Variants in HHIPL1 observed in about 807,000 individuals in gnomAD.
HHIPL1 encodes the protein HHIP like 1, also known as HHIP-like protein 1.
In HHIPL1, 43 loss-of-function variants were observed where a neutral mutation model predicts 61.8. The ratio of observed to expected loss-of-function variants is 0.70; its 90% CI spans 0.55 to 0.90. The LOEUF (loss-of-function observed/expected upper bound fraction) is 0.90. HHIPL1 is among the 40% of genes least tolerant of loss of function. The pLI, the probability that HHIPL1 is intolerant of heterozygous loss-of-function variation, is 0.00. For synonymous variants in HHIPL1, 482 were observed against 515.8 expected, an observed-to-expected ratio of 0.93 and a Z score of 0.89; for missense variants, 1,056 against 1,157.7, an observed-to-expected ratio of 0.91 and a Z score of 1.28.
rs1384342746 is a variant in HHIPL1, at chr14:99,675,189, A to T, written c.1912A>T (p.Thr638Ser). Reference protein sequence around the residue: ...GRPTAAPPAPTPRPARPTQQP... With the variant: ...GRPTAAPPAPSPRPARPTQQP... ...CCCCACGGCCGCTCCCCCCGCGCCA[A>T]CCCCGCGGCCAGCGCGGCCCACCCA... is the stretch of plus-strand genomic sequence containing the variant. The change falls in exon 9 of 9, where the codon ACC becomes TCC. Residue 638 changes from threonine to serine, a missense_variant. Coordinates refer to ENST00000330710, the MANE Select transcript of HHIPL1 (RefSeq NM_001127258.3). The surrounding 1 kb of genome is among the most constrained non-coding windows in gnomAD (Gnocchi z 5.4). The T allele has an allele frequency of 8.8e-7, 1 of 1,140,672 alleles. No individual in the cohort carries two copies. The allele number at this position is 1,140,672 out of a possible 1,614,324, so 70.7% of individuals were successfully genotyped here.
the HHIPL1 span, among the ~76,000 whole-genome samples, chr14:99,636,343 G>A: frequency 5.3e-5 from 8 of 152,280 alleles, no homozygotes; most frequent in South Asian, 2.1e-4. Flanking sequence ...CCTGGTCCAC[G>A]GGGTCCCACT....
chr14:99,612,123 C>T, the HHIPL1 span, among the ~76,000 whole-genome samples: 376 of 152,278 alleles, frequency 2.5e-3, 1 homozygote, highest in Non-Finnish European at 4.2e-3. Context: ...ACTCACAGTT[C>T]CGCGTGGCCA....
At position 99,659,533 on chromosome 14, in the gene HHIPL1, G is replaced by C; in HGVS notation, c.1152G>C (p.Ala384=). Residue 384 remains alanine (A), a synonymous_variant, in exon 4 of 9, where the codon GCG becomes GCC. Transcript: ENST00000330710. ...PDNPFVGDPA[A]QPEVYALGVR... ...ACCCGTTCGTGGGCGACCCCGCGGC[G>C]CAGCCCGAGGTCTACGCCCTGGGCG... 1 of 1,543,196 alleles carries C rather than the reference G, an allele frequency of 6.5e-7. No individual in the cohort carries two copies. The highest frequency in any genetic ancestry group is 8.7e-7 in the Non-Finnish European group (1 of 1,148,572).
upstream of HHIPL1, among the ~76,000 whole-genome samples, chr14:99,642,471 T>C (rs945435057): frequency 1.3e-5 from 2 of 152,198 alleles, no homozygotes; most frequent in South Asian, 4.1e-4. Context: ...AGTCTACTTG[T>C]CAGCTCGGCA....
chr14:99,630,936 T>C, the HHIPL1 span, among the ~76,000 whole-genome samples: 6 of 152,308 alleles, frequency 3.9e-5, no homozygotes, highest in African/African-American at 1.4e-4. Flanking sequence ...GCCTTCTCCC[T>C]GCACGCATGT....
chr14:99,656,933 G>C, intron 2 of HHIPL1, 67 bp from the exon 3 acceptor site: 3 of 1,384,206 alleles, frequency 2.2e-6, no homozygotes, highest in Non-Finnish European at 2.9e-6. Flanking sequence ...AGGAGACCGT[G>C]ATCTTGTTTT....
Position 99,659,497 on chromosome 14 carries a change from C to T in HHIPL1, c.1116C>T (p.Ile372=). 2 of 1,540,180 alleles carry T rather than the reference C, an allele frequency of 1.3e-6. No homozygotes were observed. Among genetic ancestry groups the T allele is most frequent in the Middle Eastern group, 3.4e-4 (2 of 5,936 alleles). ...AGGAGCGCGGCCTGCCCTACGGCAT[C>T]CCGCCCGACAACCCGTTCGTGGGCG... The part of the protein sequence containing the change: ...DRKERGLPYG[I]PPDNPFVGDP... The change falls in exon 4 of 9, where the codon ATC becomes ATT. Residue 372 remains isoleucine (I), a synonymous_variant. Transcript: ENST00000330710.
the HHIPL1 span, among the ~76,000 whole-genome samples, chr14:99,616,313 G>A: frequency 6.6e-6 from 1 of 152,214 alleles, no homozygotes; most frequent in African/African-American, 2.4e-5. Flanking sequence ...AATGATGACA[G>A]CAACTAATGA....
rs61984400 is a variant in HHIPL1, at chr14:99,656,879, G to A, written c.903-121G>A. On this transcript the variant is annotated intron_variant, in intron 2 of 8. Transcript: ENST00000330710. ...AGGAAGGAAGGAAGGAAGGAAGGAA[G>A]GAAGGAAGGAAGGAAGGTCTTTTCC... 41 of 148,282 alleles carry A rather than the reference G, an allele frequency of 2.8e-4. 11 individuals are homozygous for A. Among genetic ancestry groups the A allele is most frequent in the Admixed American group, 9.6e-4 (6 of 6,260 alleles). The allele number at this position is 148,282 out of a possible 1,614,324, so 9.2% of individuals were successfully genotyped here.
At chr14:99,623,514 T>C in the HHIPL1 span, among the ~76,000 whole-genome samples, 1 of 152,108 alleles carries the variant, frequency 6.6e-6, no homozygotes, top group Non-Finnish European at 1.5e-5. Flanking sequence ...CTTCCTGGGC[T>C]GTGGTCCTCC....
rs974710068 is a variant in HHIPL1, at chr14:99,645,456, G to A, written c.249G>A (p.Leu83=). The A allele has an allele frequency of 1.6e-5, 21 of 1,300,558 alleles. No individual in the cohort carries two copies. The African/African-American group carries it at 2.6e-4, about 16-fold the overall frequency. 80.6% of individuals were successfully genotyped at this position (1,300,558 alleles called of 1,614,324 possible). A position where few individuals can be genotyped will look rare whatever the true frequency, so the allele number is the denominator to read the frequency against. The change falls in exon 1 of 9, where the codon CTG becomes CTA. Residue 83 remains leucine (L), a synonymous_variant. Transcript: ENST00000330710. ...GCGCCGGCTACGCGAGGGACCTGCT[G>A]TGCCAGGTGAGCGGGCGCGCGGCCA... The part of the protein sequence containing the change: ...AACAGYARDL[L]CQECSPYAAH...
chr14:99,633,980 C>T, the HHIPL1 span, among the ~76,000 whole-genome samples: 2 of 152,176 alleles, frequency 1.3e-5, no homozygotes, highest in African/African-American at 4.8e-5. Context: ...GGGCTGTAGC[C>T]CAGGGACACG....
At chr14:99,610,760 C>CAA in the HHIPL1 span, among the ~76,000 whole-genome samples, 131 of 151,140 alleles carry the variant, frequency 8.7e-4, no homozygotes, top group African/African-American at 1.9e-3. Flanking sequence ...GACTCCACCT[C>CAA]AAAAAAAAAT....
intron 5 of HHIPL1, among the ~76,000 whole-genome samples, chr14:99,661,669 C>T (rs963185093): frequency 5.3e-5 from 8 of 152,086 alleles, no homozygotes; most frequent in African/African-American, 1.9e-4. Context: ...GGTTTTGCTC[C>T]ATTGCCCAAG....
chr14:99,657,705 G>A (rs149103801), intron 3 of HHIPL1, among the ~76,000 whole-genome samples: 10 of 151,654 alleles, frequency 6.6e-5, no homozygotes, highest in Non-Finnish European at 1.2e-4. Context: ...ACACAAATAT[G>A]CATACACACA....
At chr14:99,645,541 G>A (rs1441386994) in intron 1 of HHIPL1, 79 bp downstream of exon 1, 1 of 1,227,244 alleles carries the variant, frequency 8.1e-7, no homozygotes, top group Admixed American at 4.4e-5. Flanking sequence ...CCCCGCGGGG[G>A]CGAGGGCCAA....
chr14:99,636,757 G>A, the HHIPL1 span, among the ~76,000 whole-genome samples: 1 of 152,036 alleles, frequency 6.6e-6, no homozygotes, highest in African/African-American at 2.4e-5. Flanking sequence ...GGAGGCCGAG[G>A]GGGGAGAATT....
chr14:99,671,156 A>G (rs933363552), intron 7 of HHIPL1, among the ~76,000 whole-genome samples: 4 of 152,158 alleles, frequency 2.6e-5, no homozygotes, highest in African/African-American at 9.7e-5. Context: ...CATATTACAC[A>G]GAGGTCCCAT....
chr14:99,645,119 G>A (rs2055806213), upstream of HHIPL1: 64 of 1,171,220 alleles, frequency 5.5e-5, no homozygotes, highest in Non-Finnish European at 6.9e-5. Context: ...TAGGGAAGGG[G>A]AGCGCCCGCC....
Sources: allele counts gnomAD v4.1 joint callset (sites outside exome capture counted in the v4.1 genomes callset), GRCh38; gene constraint gnomAD v4.1.1; non-coding constraint Gnocchi (gnomAD v3.1); transcripts MANE v1.5; gene names NCBI Gene and HGNC (gene_info 2026-07-23, HGNC 2026-07-21).